The following HS6ST2 variants were observed in gnomAD, a reference collection of about 807,000 sequenced individuals.
The protein encoded by HS6ST2 is heparan sulfate 6-O-sulfotransferase 2.
A neutral mutation model predicts 33.0 loss-of-function variants in HS6ST2; 17 were observed. The observed-to-expected ratio is 0.52, with a 90% CI of 0.35 to 0.77. The LOEUF (loss-of-function observed/expected upper bound fraction) is 0.77, where lower values mean the gene tolerates loss of function less well. HS6ST2 is among the 30% of genes least tolerant of loss of function. HS6ST2 has a pLI of 0.01. For missense variants in HS6ST2, 519 were observed against 551.7 expected, an observed-to-expected ratio of 0.94 and a Z score of 0.59; for synonymous variants, 248 against 237.1, an observed-to-expected ratio of 1.05 and a Z score of -0.42.
At chrX:132,949,428 T>A (rs1415222024) in intron 2 of HS6ST2, among the ~76,000 whole-genome samples, 1 of 110,961 alleles carries the variant, frequency 9.0e-6, no homozygotes. Context: ...CTCAAGTAGC[T>A]CTATACCATA....
intron 2 of HS6ST2, among the ~76,000 whole-genome samples, chrX:132,781,107 C>G: frequency 8.9e-6 from 1 of 111,989 alleles, no homozygotes; most frequent in Non-Finnish European, 1.9e-5. Context: ...CACTGTCTTA[C>G]CAAAAACTAG....
In HS6ST2 at chrX:132,954,690, A is replaced by AT. The variant is rs200731247; in HGVS notation, c.947+2117dup. On this transcript the variant is annotated intron_variant, in intron 2 of 4. Coordinates refer to ENST00000370833, the MANE Select transcript of HS6ST2 (RefSeq NM_001394073.1). The stretch of plus-strand genomic sequence containing the variant: ...GCAATGCATTTCTCTAGCAAGTTTT[A>AT]TTTCATTTTTGCAAACACCGTAAAA... Among the ~76,000 whole-genome samples the AT allele has an allele frequency of 6.1e-3, 690 of 112,263 alleles. 18 individuals are homozygous for AT. The East Asian group carries it at 0.094, about 15-fold the overall frequency.
chrX:132,818,356 T>C (rs1335823710), intron 2 of HS6ST2, among the ~76,000 whole-genome samples: 2 of 111,160 alleles, frequency 1.8e-5, no homozygotes, highest in South Asian at 3.9e-4. Context: ...TTTTCATATC[T>C]GCAAAATAGA....
rs2067076465 is a variant in HS6ST2, at chrX:132,956,726, G to A, written c.947+82C>T. 2.8e-6 allele frequency: 3 copies of A among 1,061,931 alleles called. No homozygotes were observed. The South Asian group carries it at 7.2e-5, about 25-fold the overall frequency. The allele number at this position is 1,061,931 out of a possible 1,213,427, so 87.5% of individuals were successfully genotyped here. A position where few individuals can be genotyped will look rare whatever the true frequency, so the allele number is the denominator to read the frequency against. On this transcript the variant is annotated intron_variant, in intron 2 of 4. Transcript: ENST00000370833. ...GCCCGGGCGTCAGGGTGCGCGCTAG[G>A]TCCCCGGCTTGGGCCAGCCGCGCCT...
intron 4 of HS6ST2, among the ~76,000 whole-genome samples, chrX:132,654,608 T>C (rs1281627096): frequency 8.9e-6 from 1 of 112,451 alleles, no homozygotes; most frequent in Non-Finnish European, 1.9e-5. Context: ...TTTTTAGAAC[T>C]TTTTCACATA....
chrX:132,902,007 C>A (rs1185499106), intron 2 of HS6ST2, among the ~76,000 whole-genome samples: 1 of 111,112 alleles, frequency 9.0e-6, no homozygotes, highest in African/African-American at 3.3e-5. Flanking sequence ...GAGAAAAAGG[C>A]CACTGGAATT....
chrX:132,661,782 A>T (rs866944062), intron 4 of HS6ST2, among the ~76,000 whole-genome samples: 4 of 111,750 alleles, frequency 3.6e-5, no homozygotes, highest in South Asian at 3.8e-4. Context: ...ATTGGCTCAC[A>T]CCTGTAATCC....
chrX:132,884,359 T>G (rs1372232460), intron 2 of HS6ST2, among the ~76,000 whole-genome samples: 1 of 111,885 alleles, frequency 8.9e-6, no homozygotes, highest in Non-Finnish European at 1.9e-5. Context: ...AAGTCCAAAT[T>G]AAACCACAAT....
At chrX:132,724,198 T>C (rs1439300063) in intron 2 of HS6ST2, among the ~76,000 whole-genome samples, 1 of 111,212 alleles carries the variant, frequency 9.0e-6, no homozygotes, top group East Asian at 2.8e-4. Flanking sequence ...GGCATCCAAA[T>C]TGAAAAAGAA....
intron 2 of HS6ST2, among the ~76,000 whole-genome samples, chrX:132,915,503 T>G (rs2066576883): frequency 9.0e-6 from 1 of 111,644 alleles, no homozygotes; most frequent in Non-Finnish European, 1.9e-5. Context: ...TCAGTTCTGT[T>G]AACTGTCTGC....
chrX:132,670,844 G>A (rs1040633978), intron 3 of HS6ST2, among the ~76,000 whole-genome samples: 3 of 111,816 alleles, frequency 2.7e-5, no homozygotes, highest in Admixed American at 9.4e-5. Context: ...ACGTCTAGGG[G>A]GTATGAAAAG....
intron 2 of HS6ST2, among the ~76,000 whole-genome samples, chrX:132,949,206 T>A (rs751980673): frequency 1.3e-4 from 14 of 108,586 alleles, no homozygotes; most frequent in African/African-American, 4.7e-4. Flanking sequence ...AACCCCAAGA[T>A]TTTAACTCTT....
At chrX:132,912,763 G>A (rs2066547221) in intron 2 of HS6ST2, among the ~76,000 whole-genome samples, 1 of 111,740 alleles carries the variant, frequency 8.9e-6, no homozygotes, top group Admixed American at 9.5e-5. Context: ...AGGCAGACAG[G>A]GGCAAGTCCC....
chrX:132,954,470 C>G (rs1242300584), intron 2 of HS6ST2, among the ~76,000 whole-genome samples: 1 of 111,905 alleles, frequency 8.9e-6, no homozygotes, highest in African/African-American at 3.3e-5. Context: ...TACACACACT[C>G]TCTCATTCTC....
At chrX:132,909,950 C>T (rs1180091095) in intron 2 of HS6ST2, among the ~76,000 whole-genome samples, 1 of 111,031 alleles carries the variant, frequency 9.0e-6, no homozygotes, top group East Asian at 2.8e-4. Flanking sequence ...GAATGATCAT[C>T]ACTTAAATAG....
chrX:132,948,552 T>G (rs1398672565), intron 2 of HS6ST2, among the ~76,000 whole-genome samples: 1 of 112,269 alleles, frequency 8.9e-6, no homozygotes, highest in Non-Finnish European at 1.9e-5. Context: ...AGTGTAATGC[T>G]CTGAAATGTG....
intron 2 of HS6ST2, among the ~76,000 whole-genome samples, chrX:132,783,433 C>T (rs2065031707): frequency 9.0e-6 from 1 of 111,405 alleles, no homozygotes; most frequent in African/African-American, 3.3e-5. Context: ...AACCTGAAAC[C>T]TGCCCAGGCA....
intron 2 of HS6ST2, among the ~76,000 whole-genome samples, chrX:132,715,046 CCATCCTACTGACAG>C: frequency 8.9e-6 from 1 of 112,132 alleles, no homozygotes; most frequent in African/African-American, 3.2e-5. Context: ...CATTTCGGTA[CCATCCTACTGACAG>C]CATAGAGTCA....
chrX:132,789,044 G>C (rs185233449), intron 2 of HS6ST2, among the ~76,000 whole-genome samples: 1 of 112,569 alleles, frequency 8.9e-6, no homozygotes, highest in East Asian at 2.8e-4. Flanking sequence ...AGAAGACACA[G>C]GTAAGATCAT....
Sources: gnomAD v4.1 joint callset for allele counts (sites outside exome capture counted in the v4.1 genomes callset) on GRCh38, gnomAD v4.1.1 for gene constraint, MANE v1.5 for transcripts, NCBI Gene and HGNC (gene_info 2026-07-23, HGNC 2026-07-21) for gene names.